Variants in GCNT1 observed in about 807,000 individuals in gnomAD.
GCNT1 encodes glucosaminyl (N-acetyl) transferase 1, also known as beta-1,3-galactosyl-O-glycosyl-glycoprotein beta-1,6-N-acetylglucosaminyltransferase.
Under a neutral mutation model 26.2 loss-of-function variants are expected in GCNT1, and 16 were observed. That is an observed-to-expected ratio of 0.61 (90% CI 0.41 to 0.93). GCNT1 has a LOEUF of 0.93. Ranked by LOEUF, GCNT1 falls within the 40% of genes least tolerant of loss-of-function variation. The pLI is 0.00. For missense variants in GCNT1, 477 were observed against 526.7 expected (o/e 0.91, Z 0.92); for synonymous variants, 183 against 190.8 (o/e 0.96, Z 0.34).
intron 2 of GCNT1, among the ~76,000 whole-genome samples, chr9:76,474,389 G>T (rs966767610): frequency 1.3e-5 from 2 of 152,110 alleles, no homozygotes; most frequent in Non-Finnish European, 2.9e-5. Context: ...GAATTCCAAG[G>T]AAGTCCTTTA....
chr9:76,429,240 C>T (rs1295444790), intron 1 of GCNT1, among the ~76,000 whole-genome samples: 2 of 152,052 alleles, frequency 1.3e-5, no homozygotes, highest in African/African-American at 4.8e-5. Flanking sequence ...GATTCTATTC[C>T]TATAGCATGC....
chr9:76,503,892 A>G lies in GCNT1; in HGVS notation c.*224A>G. The G allele has an allele frequency of 1.8e-6, 1 of 552,104 alleles. No homozygotes were observed. Among genetic ancestry groups the G allele is most frequent in the Non-Finnish European group, 3.4e-6 (1 of 298,384 alleles). 34.2% of individuals were successfully genotyped at this position (552,104 alleles called of 1,614,324 possible). On this transcript the variant is annotated 3_prime_UTR_variant, in exon 4 of 4. Transcript: ENST00000376730. ...CTAGAGTTAATAGTGGGAGGAGTAA[A>G]GGTAGCCTTGAGGCCAGAGCAGGTA...
intron 2 of GCNT1, among the ~76,000 whole-genome samples, chr9:76,475,351 A>G (rs1824228240): frequency 6.6e-6 from 1 of 152,174 alleles, no homozygotes; most frequent in African/African-American, 2.4e-5. Flanking sequence ...CTTAACACTG[A>G]AGCCTCCAAA....
At chr9:76,489,960 T>C (rs925723032) in intron 2 of GCNT1, among the ~76,000 whole-genome samples, 1 of 152,174 alleles carries the variant, frequency 6.6e-6, no homozygotes, top group African/African-American at 2.4e-5. Flanking sequence ...TGTAAGATCA[T>C]CTGTAGCTTG....
At position 76,504,874 on chromosome 9, in the gene GCNT1, G is replaced by A. The variant is rs1825195466; in HGVS notation, c.*1206G>A. ...AGTGTGCAGTCATTCCACATGGCCT[G>A]TTGGAAGGCCTGGGGAGGGAACTTT... On this transcript the variant is annotated 3_prime_UTR_variant, in exon 4 of 4. Coordinates refer to ENST00000376730, the MANE Select transcript of GCNT1 (RefSeq NM_001490.5). The A allele has an allele frequency of 7.3e-6, 3 of 413,346 alleles. No homozygotes were observed. Among genetic ancestry groups the A allele is most frequent in the Non-Finnish European group, 1.3e-5 (3 of 226,144 alleles). The allele number at this position is 413,346 out of a possible 1,614,324, so 25.6% of individuals were successfully genotyped here.
intron 2 of GCNT1, among the ~76,000 whole-genome samples, chr9:76,498,329 A>G (rs1221234231): frequency 1.3e-5 from 2 of 152,178 alleles, no homozygotes; most frequent in Non-Finnish European, 1.5e-5. Flanking sequence ...TTTCTTGGGT[A>G]TATACCTAAT....
chr9:76,447,263 G>T, intron 1 of GCNT1, among the ~76,000 whole-genome samples: 1 of 149,224 alleles, frequency 6.7e-6, no homozygotes. Context: ...CTTTTTTGGA[G>T]ACAGATCTCA....
At chr9:76,402,729 G>GA in the GCNT1 span, among the ~76,000 whole-genome samples, 1 of 151,066 alleles carries the variant, frequency 6.6e-6, no homozygotes, top group Non-Finnish European at 1.5e-5. Flanking sequence ...GCCCAGGCTG[G>GA]AGTACAATGG....
intron 1 of GCNT1, among the ~76,000 whole-genome samples, chr9:76,428,220 C>T (rs367750627): frequency 1.5e-5 from 2 of 130,226 alleles, no homozygotes; most frequent in East Asian, 2.3e-4. Context: ...GAGCCGAGAT[C>T]GTGCTACTGC....
intron 2 of GCNT1, among the ~76,000 whole-genome samples, chr9:76,493,267 G>T (rs752364033): frequency 2.2e-4 from 34 of 152,148 alleles, no homozygotes; most frequent in Non-Finnish European, 4.6e-4. Context: ...TGACCGGTAG[G>T]GAATTTGTCC....
chr9:76,420,524 C>T (rs557394028), intron 1 of GCNT1: 2 of 152,362 alleles, frequency 1.3e-5, no homozygotes, highest in Non-Finnish European at 2.9e-5. Context: ...ATTCTCCAGG[C>T]TCAGCCTCCC....
intron 1 of GCNT1, among the ~76,000 whole-genome samples, chr9:76,446,155 G>T (rs1411472298): frequency 2.6e-5 from 4 of 152,026 alleles, no homozygotes; most frequent in Non-Finnish European, 5.9e-5. Flanking sequence ...AGTTCCTAGG[G>T]GATCATCTAT....
At chr9:76,474,221 T>C (rs1824206927) in intron 2 of GCNT1, among the ~76,000 whole-genome samples, 1 of 152,206 alleles carries the variant, frequency 6.6e-6, no homozygotes, top group Non-Finnish European at 1.5e-5. Context: ...AGTATATTCA[T>C]ATACAGTCAT....
rs71372085 is a variant in GCNT1, at chr9:76,461,194, CTTTTTTTTT to C, written c.-290+1030_-290+1038del. Among the ~76,000 whole-genome samples the C allele has an allele frequency of 3.9e-4, 49 of 125,954 alleles. 1 individual carries two copies. In the South Asian group the frequency reaches 0.012, roughly 30 times the overall value. 82.6% of individuals were successfully genotyped at this position (125,954 alleles called of 152,430 possible). Reference sequence around the variant, plus strand: ...CCATTCAGCCATACAGTGTAGGCAGCTTTTTTTTTTTTTTTTTTTTTCCACGAATAGCTG... The same window carrying C: ...CCATTCAGCCATACAGTGTAGGCAGCTTTTTTTTTTTTCCACGAATAGCTG... On this transcript the variant is annotated intron_variant, in intron 2 of 3. Coordinates refer to ENST00000376730, the MANE Select transcript of GCNT1 (RefSeq NM_001490.5).
chr9:76,481,662 C>T (rs143981110), intron 2 of GCNT1, among the ~76,000 whole-genome samples: 17 of 151,996 alleles, frequency 1.1e-4, no homozygotes, highest in African/African-American at 3.6e-4. Context: ...TATAAATGCA[C>T]GTGATTTAAA....
the GCNT1 span, among the ~76,000 whole-genome samples, chr9:76,400,114 T>C: frequency 6.6e-6 from 1 of 152,172 alleles, no homozygotes; most frequent in South Asian, 2.1e-4. Context: ...ACAGGGGATT[T>C]TTAGGGCAGT....
At chr9:76,419,120 T>C (rs898972866), upstream of GCNT1, among the ~76,000 whole-genome samples, 1 of 152,204 alleles carries the variant, frequency 6.6e-6, no homozygotes, top group African/African-American at 2.4e-5. Flanking sequence ...GCCTCCTCTA[T>C]GGCTGCATAA....
the GCNT1 span, among the ~76,000 whole-genome samples, chr9:76,412,116 AG>A: frequency 6.6e-6 from 1 of 152,206 alleles, no homozygotes; most frequent in East Asian, 1.9e-4. Flanking sequence ...AGGTAGTGCA[AG>A]TACTTTATAA....
At chr9:76,487,413 T>C (rs1824609163) in intron 2 of GCNT1, among the ~76,000 whole-genome samples, 2 of 152,246 alleles carry the variant, frequency 1.3e-5, no homozygotes, top group Non-Finnish European at 2.9e-5. Flanking sequence ...TCACTGGGAC[T>C]AGAAGCCAAC....
Sources: allele counts gnomAD v4.1 joint callset (sites outside exome capture counted in the v4.1 genomes callset), GRCh38; gene constraint gnomAD v4.1.1; transcripts MANE v1.5; gene names NCBI Gene and HGNC (gene_info 2026-07-23, HGNC 2026-07-21).